The following SOX6 variants were observed in gnomAD, a reference collection of about 807,000 sequenced individuals.
SOX6 encodes transcription factor SOX-6.
SOX6 carries 11 observed loss-of-function variants against 97.8 expected under a neutral mutation model. That is an observed-to-expected ratio of 0.11 (90% CI 0.07 to 0.19). SOX6 has a LOEUF of 0.19. SOX6 is among the 10% of genes least tolerant of loss of function. The pLI is 1.00. For synonymous variants in SOX6, 360 were observed against 371.4 expected, an observed-to-expected ratio of 0.97 and a Z score of 0.35; for missense variants, 810 against 1,039.5, an observed-to-expected ratio of 0.78 and a Z score of 3.04.
At chr11:16,509,727 T>C (rs1183553957) in intron 4 of SOX6, among the ~76,000 whole-genome samples, 1 of 152,058 alleles carries the variant, frequency 6.6e-6, no homozygotes, top group Admixed American at 6.6e-5. Flanking sequence ...ATCGGGCATA[T>C]TGAGCAATAA....
At chr11:16,150,842 A>T (rs1850440833) in intron 6 of SOX6, among the ~76,000 whole-genome samples, 1 of 152,154 alleles carries the variant, frequency 6.6e-6, no homozygotes, top group Non-Finnish European at 1.5e-5. Flanking sequence ...TCCTGACAAG[A>T]AGTCACATTC....
chr11:16,711,528 G>C (rs1848180925), intron 3 of SOX6, among the ~76,000 whole-genome samples: 4 of 152,098 alleles, frequency 2.6e-5, no homozygotes, highest in Admixed American at 2.0e-4. Context: ...GTTTCAAAAA[G>C]AAAACCCTAC....
At chr11:16,032,000 A>G (rs1855389737) in intron 12 of SOX6, among the ~76,000 whole-genome samples, 1 of 152,166 alleles carries the variant, frequency 6.6e-6, no homozygotes, top group South Asian at 2.1e-4. Flanking sequence ...CAACCCTCCT[A>G]TAATATGAAT....
intron 4 of SOX6, among the ~76,000 whole-genome samples, chr11:16,527,486 A>G (rs1395345540): frequency 6.6e-6 from 1 of 152,100 alleles, no homozygotes; most frequent in Non-Finnish European, 1.5e-5. Flanking sequence ...ATGTCTTAGA[A>G]GCCTAACACA....
chr11:16,634,950 G>A (rs529541710), intron 3 of SOX6, among the ~76,000 whole-genome samples: 1 of 152,218 alleles, frequency 6.6e-6, no homozygotes, highest in East Asian at 1.9e-4. Context: ...ACTTCTCCTT[G>A]CTGCAACCAT....
intron 1 of SOX6, among the ~76,000 whole-genome samples, chr11:16,341,677 A>G (rs1470902174): frequency 6.6e-6 from 1 of 152,112 alleles, no homozygotes; most frequent in Non-Finnish European, 1.5e-5. Flanking sequence ...AAGCACAATT[A>G]TCCAACTTTC....
At chr11:16,246,148 A>G (rs921293694) in intron 3 of SOX6, among the ~76,000 whole-genome samples, 10 of 151,392 alleles carry the variant, frequency 6.6e-5, no homozygotes. Context: ...TCAATAATAT[A>G]CCATTTCAAA....
At chr11:16,096,200 T>C in intron 8 of SOX6, 82 bp from the exon 9 acceptor site, 1 of 1,493,618 alleles carries the variant, frequency 6.7e-7, no homozygotes, top group Non-Finnish European at 9.2e-7. Context: ...TATTTCTAAA[T>C]CCAGGGTATT....
At position 15,971,368 on chromosome 11, in the gene SOX6, A is replaced by T. The variant is rs948081871; in HGVS notation, c.*1441T>A. 2 of 152,628 alleles carry T rather than the reference A, an allele frequency of 1.3e-5. No homozygotes were observed. The highest frequency in any genetic ancestry group is 6.5e-5 in the Admixed American group (1 of 15,280). 9.5% of individuals were successfully genotyped at this position (152,628 alleles called of 1,614,324 possible). The stretch of plus-strand genomic sequence containing the variant: ...CTCAGTGTAAAGGTGCCAGCCCATG[A>T]CAGCTTCACTGAGATTCCTGCATGG... On this transcript the variant is annotated 3_prime_UTR_variant, in exon 16 of 16. Transcript: ENST00000683767.
chr11:16,422,048 G>A (rs1026456338), intron 1 of SOX6, among the ~76,000 whole-genome samples: 3 of 152,114 alleles, frequency 2.0e-5, no homozygotes, highest in South Asian at 2.1e-4. Flanking sequence ...GTCCCTAGGC[G>A]TGCTTCATCC....
At chr11:16,076,975 G>A (rs1441661009) in intron 9 of SOX6, among the ~76,000 whole-genome samples, 1 of 151,246 alleles carries the variant, frequency 6.6e-6, no homozygotes, top group Non-Finnish European at 1.5e-5. Flanking sequence ...GGATGGTCTC[G>A]ATCTCCTGAC....
chr11:16,327,636 C>T (rs1418986292), intron 2 of SOX6, among the ~76,000 whole-genome samples: 1 of 151,962 alleles, frequency 6.6e-6, no homozygotes, highest in African/African-American at 2.4e-5. Context: ...AGTACACTAC[C>T]GCTCTTATTC....
intron 1 of SOX6, among the ~76,000 whole-genome samples, chr11:16,365,285 C>CTGTG (rs35122849): frequency 0.62 from 91,836 of 148,558 alleles, 28,405 homozygotes; most frequent in Non-Finnish European, 0.65. Context: ...CAGGGAAGTA[C>CTGTG]TGTGTGTGTG....
intron 6 of SOX6, among the ~76,000 whole-genome samples, chr11:16,155,377 A>T (rs1429598092): frequency 6.6e-6 from 1 of 152,168 alleles, no homozygotes; most frequent in Admixed American, 6.6e-5. Context: ...GAATAATATT[A>T]CCTACCTCAA....
At chr11:16,349,757 A>AAGGAAGGG in intron 1 of SOX6, among the ~76,000 whole-genome samples, 1 of 148,634 alleles carries the variant, frequency 6.7e-6, no homozygotes, top group South Asian at 2.2e-4. Context: ...GGAAGGAAGG[A>AAGGAAGGG]AGGGAAGGAA....
chr11:16,374,846 T>C (rs545404638), intron 1 of SOX6, among the ~76,000 whole-genome samples: 4 of 152,180 alleles, frequency 2.6e-5, no homozygotes, highest in Non-Finnish European at 4.4e-5. Context: ...TTGGTTTTTA[T>C]TCCTTTCATA....
intron 1 of SOX6, among the ~76,000 whole-genome samples, chr11:16,427,787 CAT>C (rs1859178073): frequency 6.6e-6 from 1 of 152,324 alleles, no homozygotes; most frequent in South Asian, 2.1e-4. Flanking sequence ...CCGCAATAAA[CAT>C]ATGTGTGCAT....
intron 1 of SOX6, among the ~76,000 whole-genome samples, chr11:16,375,977 A>G (rs1857631960): frequency 6.6e-6 from 1 of 152,128 alleles, no homozygotes; most frequent in African/African-American, 2.4e-5. Context: ...GAGTTGAACA[A>G]TGAGAACACA....
intron 1 of SOX6, among the ~76,000 whole-genome samples, chr11:16,475,687 T>C (rs1349840471): frequency 3.3e-5 from 5 of 152,150 alleles, no homozygotes; most frequent in Non-Finnish European, 5.9e-5. Flanking sequence ...TGAAATATTG[T>C]GAGAATTATG....
Sources: gnomAD v4.1 joint callset for allele counts (sites outside exome capture counted in the v4.1 genomes callset) on GRCh38, gnomAD v4.1.1 for gene constraint, MANE v1.5 for transcripts, NCBI Gene and HGNC (gene_info 2026-07-23, HGNC 2026-07-21) for gene names.